MDGA1: variants seen among roughly 807,000 people sequenced by gnomAD.
MDGA1 encodes MAM domain-containing glycosylphosphatidylinositol anchor protein 1.
MDGA1 carries 54 observed loss-of-function variants against 101.5 expected under a neutral mutation model. That is an observed-to-expected ratio of 0.53 (90% CI 0.43 to 0.67). MDGA1 has a LOEUF of 0.67. MDGA1 is among the 30% of genes least tolerant of loss of function. The pLI is 0.00. For synonymous variants in MDGA1, 533 were observed against 558.3 expected (o/e 0.95, Z 0.64); for missense variants, 1,083 against 1,323.8 (o/e 0.82, Z 2.82).
chr6:37,635,529 T>G lies in MDGA1; in HGVS notation c.*1839A>C, dbSNP rs187515540. The G allele has an allele frequency of 5.3e-5, 21 of 398,718 alleles. No individual in the cohort carries two copies. The highest frequency in any genetic ancestry group is 4.8e-4 in the Admixed American group (11 of 22,744). 24.7% of individuals were successfully genotyped at this position (398,718 alleles called of 1,614,324 possible). A position where few individuals can be genotyped will look rare whatever the true frequency, so the allele number is the denominator to read the frequency against. ...CTGATTGGGCATCAGAAGGCCCCGC[T>G]GCATCCTGGCCCGGCCACCCACCAG... On this transcript the variant is annotated 3_prime_UTR_variant, in exon 17 of 17. Coordinates refer to ENST00000434837, the MANE Select transcript of MDGA1 (RefSeq NM_153487.4).
Position 37,647,339 on chromosome 6 carries a change from A to AG in MDGA1, c.1895-16dup. On this transcript the variant is annotated splice_polypyrimidine_tract_variant and intron_variant, in intron 9 of 16. Coordinates refer to ENST00000434837, the MANE Select transcript of MDGA1 (RefSeq NM_153487.4). The stretch of plus-strand genomic sequence containing the variant: ...GTAGGCTTTGGCTAAGAGGGCGGGG[A>AG]GGGGGGCATTGGGCCGTGGAGGGTG... The AG allele has an allele frequency of 2.7e-6, 4 of 1,490,528 alleles. No individual in the cohort carries two copies. Among genetic ancestry groups the AG allele is most frequent in the Non-Finnish European group, 2.7e-6 (3 of 1,102,400 alleles). 92.3% of individuals were successfully genotyped at this position (1,490,528 alleles called of 1,614,324 possible).
At chr6:37,653,806 T>G (rs1761421288) in intron 6 of MDGA1, among the ~76,000 whole-genome samples, 1 of 152,198 alleles carries the variant, frequency 6.6e-6, no homozygotes. Flanking sequence ...CAGATTCACT[T>G]AAATACTTCC....
At chr6:37,667,216 C>T (rs866344516) in intron 1 of MDGA1, among the ~76,000 whole-genome samples, 6 of 152,182 alleles carry the variant, frequency 3.9e-5, no homozygotes, top group Middle Eastern at 3.2e-3. Flanking sequence ...CTGCAGACAG[C>T]AGCGGGTTCG....
chr6:37,687,653 A>G (rs1398800775), intron 1 of MDGA1, among the ~76,000 whole-genome samples: 1 of 151,936 alleles, frequency 6.6e-6, no homozygotes, highest in African/African-American at 2.4e-5. Flanking sequence ...TTTTTTTGTA[A>G]TAGAGACAGA....
At chr6:37,648,854 C>A (rs929013868) in intron 9 of MDGA1, 128 bp downstream of exon 9, 48 of 1,412,822 alleles carry the variant, frequency 3.4e-5, no homozygotes, top group Middle Eastern at 5.1e-4. Context: ...CGGGGCTAAG[C>A]CTGGAGTAGG....
Position 37,635,160 on chromosome 6 carries a change from A to G in MDGA1, c.*2208T>C, listed in dbSNP as rs1763896952. 1 of 276,278 alleles carries G rather than the reference A, an allele frequency of 3.6e-6. No homozygotes were observed. The highest frequency in any genetic ancestry group is 5.3e-5 in the Admixed American group (1 of 18,758). 17.1% of individuals were successfully genotyped at this position (276,278 alleles called of 1,614,324 possible). ...TGCGCTCCAGTCCAATTAACTCAGAACCTCTGAGGTGGGAACCAAGCAGCA... is the reference window on the plus strand; with the variant it reads ...TGCGCTCCAGTCCAATTAACTCAGAGCCTCTGAGGTGGGAACCAAGCAGCA... On this transcript the variant is annotated 3_prime_UTR_variant, in exon 17 of 17. Transcript: ENST00000434837.
intron 2 of MDGA1, among the ~76,000 whole-genome samples, chr6:37,660,028 ATC>A (rs138953703): frequency 9.5e-6 from 1 of 105,278 alleles, no homozygotes; most frequent in South Asian, 4.1e-4. Flanking sequence ...CTCAGTCTTT[ATC>A]TCTCTCTTTT....
Position 37,640,050 on chromosome 6 carries a change from G to A in MDGA1, c.2537-1383C>T, listed in dbSNP as rs77583333. Among the ~76,000 whole-genome samples, 150 of 152,316 alleles carry A rather than the reference G, an allele frequency of 9.8e-4. 1 individual carries two copies. The highest frequency in any genetic ancestry group is 1.5e-3 in the Non-Finnish European group (99 of 68,014). The stretch of plus-strand genomic sequence containing the variant: ...TGTGAATCCCAGGGACTGCCATACC[G>A]CAGAGCAGAGAGTGGTCTGGGCCTG... On this transcript the variant is annotated intron_variant, in intron 14 of 16. Transcript: ENST00000434837.
chr6:37,674,131 T>C (rs1761928333), intron 1 of MDGA1, among the ~76,000 whole-genome samples: 1 of 152,172 alleles, frequency 6.6e-6, no homozygotes, highest in African/African-American at 2.4e-5. Context: ...GCAAACCATA[T>C]TAAAGCCTGT....
In MDGA1 at chr6:37,638,430, T is replaced by C; in HGVS notation, c.2667+107A>G. The C allele has an allele frequency of 6.4e-7, 1 of 1,558,170 alleles. No homozygotes were observed. The highest frequency in any genetic ancestry group is 8.7e-7 in the Non-Finnish European group (1 of 1,143,768). On this transcript the variant is annotated intron_variant, in intron 15 of 16. Coordinates refer to ENST00000434837, the MANE Select transcript of MDGA1 (RefSeq NM_153487.4). This position sits in a 1 kb window ranked among gnomAD's most constrained non-coding sequence, Gnocchi z 4.8. Reference sequence around the variant, plus strand: ...ACCTGGAAGTTCCCCCTAACCTGACTCTTTCCATCCTTAGCCCCCAGGAAG... The same window carrying C: ...ACCTGGAAGTTCCCCCTAACCTGACCCTTTCCATCCTTAGCCCCCAGGAAG...
intron 14 of MDGA1, chr6:37,639,902 CTG>C (rs1764022978): frequency 1.3e-5 from 2 of 152,170 alleles, no homozygotes; most frequent in Non-Finnish European, 2.9e-5. Flanking sequence ...CCTTCCAACT[CTG>C]AGATTCTATG....
intron 1 of MDGA1, among the ~76,000 whole-genome samples, chr6:37,675,396 GACTTGT>G (rs763379943): frequency 1.7e-4 from 26 of 152,310 alleles, no homozygotes; most frequent in Admixed American, 3.9e-4. Context: ...ATCACACAGT[GACTTGT>G]ACTCAGCAGG....
intron 1 of MDGA1, among the ~76,000 whole-genome samples, chr6:37,666,940 G>A (rs1327403263): frequency 6.6e-6 from 1 of 152,170 alleles, no homozygotes; most frequent in Non-Finnish European, 1.5e-5. Flanking sequence ...TTGGACATTA[G>A]TTTTCTCATC....
chr6:37,678,886 A>T (rs1042775356), intron 1 of MDGA1, among the ~76,000 whole-genome samples: 5 of 151,314 alleles, frequency 3.3e-5, no homozygotes, highest in Non-Finnish European at 7.4e-5. Flanking sequence ...TTAAATAGTC[A>T]CTTGTTTATT....
At chr6:37,689,097 C>T (rs1176666098) in intron 1 of MDGA1, among the ~76,000 whole-genome samples, 3 of 152,266 alleles carry the variant, frequency 2.0e-5, no homozygotes, top group South Asian at 2.1e-4. Flanking sequence ...CCCAGTCCCC[C>T]GGTGGCCCTT....
chr6:37,634,805 TG>T lies in MDGA1; in HGVS notation c.*2562del. ...CCTTCGTCCATAAAGACCAGGAACC[TG>T]GGGGCCACATGTATGCAGTTCAGCT... On this transcript the variant is annotated 3_prime_UTR_variant, in exon 17 of 17. Coordinates refer to ENST00000434837, the MANE Select transcript of MDGA1 (RefSeq NM_153487.4). The surrounding 1 kb of genome is among the most constrained non-coding windows in gnomAD (Gnocchi z 4.7). 1.3e-5 allele frequency: 2 copies of T among 152,726 alleles called. No individual in the cohort carries two copies. Among genetic ancestry groups the T allele is most frequent in the Non-Finnish European group, 2.9e-5 (2 of 68,436 alleles). The allele number at this position is 152,726 out of a possible 1,614,324, so 9.5% of individuals were successfully genotyped here. A position where few individuals can be genotyped will look rare whatever the true frequency, so the allele number is the denominator to read the frequency against.
intron 12 of MDGA1, among the ~76,000 whole-genome samples, chr6:37,645,061 T>C (rs982997438): frequency 6.6e-6 from 1 of 152,246 alleles, no homozygotes; most frequent in Non-Finnish European, 1.5e-5. Flanking sequence ...ACTATAGTTT[T>C]GAAATACAAA....
intron 16 of MDGA1, chr6:37,637,956 G>C (rs1211411171): frequency 1.8e-6 from 1 of 569,334 alleles, no homozygotes. Context: ...CACAGGAGGC[G>C]CTCTGATACC....
chr6:37,692,684 T>C (rs1185649295), intron 1 of MDGA1, among the ~76,000 whole-genome samples: 1 of 148,294 alleles, frequency 6.7e-6, no homozygotes, highest in African/African-American at 2.5e-5. Flanking sequence ...CCACCCCCCT[T>C]CCCCCCCAGC....
Sources: gnomAD v4.1 joint callset for allele counts (sites outside exome capture counted in the v4.1 genomes callset) on GRCh38, gnomAD v4.1.1 for gene constraint, Gnocchi (gnomAD v3.1) non-coding constraint, MANE v1.5 for transcripts, NCBI Gene and HGNC (gene_info 2026-07-23, HGNC 2026-07-21) for gene names.